Variants in EFCAB13 observed in about 807,000 individuals in gnomAD.
The protein encoded by EFCAB13 is EF-hand calcium binding domain 13.
Under a neutral mutation model 110.2 loss-of-function variants are expected in EFCAB13, and 91 were observed. That is an observed-to-expected ratio of 0.83 (90% CI 0.70 to 0.98). The LOEUF (loss-of-function observed/expected upper bound fraction) is 0.98. Ranked by LOEUF, EFCAB13 falls within the 50% of genes least tolerant of loss-of-function variation. EFCAB13 has a pLI of 0.00. For synonymous variants in EFCAB13, 323 were observed against 369.9 expected (o/e 0.87, Z 1.45); for missense variants, 968 against 1,119.4 (o/e 0.86, Z 1.93).
Position 47,344,406 on chromosome 17 carries a change from TG to T in EFCAB13, c.434+115del, listed in dbSNP as rs1472844330. The T allele has an allele frequency of 3.8e-6, 5 of 1,301,722 alleles. No individual in the cohort carries two copies. The East Asian group carries it at 1.2e-4, about 31-fold the overall frequency. The allele number at this position is 1,301,722 out of a possible 1,614,324, so 80.6% of individuals were successfully genotyped here. On this transcript the variant is annotated intron_variant, in intron 7 of 24. Transcript: ENST00000331493. ...AATATGAAGTAGTTTATGCTAATTA[TG>T]CTGTTAGGATTGTGTAGAGATAAGA...
At chr17:47,351,279 C>CTCTGTG (rs1555578724) in intron 9 of EFCAB13, among the ~76,000 whole-genome samples, 1 of 127,996 alleles carries the variant, frequency 7.8e-6, no homozygotes, top group Admixed American at 7.3e-5. Context: ...TAGTATTCCA[C>CTCTGTG]TGTGTGTGTG....
In EFCAB13 at chr17:47,431,918, A is replaced by G. The variant is rs1905122206; in HGVS notation, c.2638+1957A>G. On this transcript the variant is annotated intron_variant, in intron 24 of 24. Transcript: ENST00000331493. The surrounding 1 kb of genome is among the most constrained non-coding windows in gnomAD (Gnocchi z 4.1). ...GTCTACTTCTCCTTTTAATTCTGTCAGTGTTTGCTGTCTATAGTTTTAGCC... is the reference window on the plus strand; with the variant it reads ...GTCTACTTCTCCTTTTAATTCTGTCGGTGTTTGCTGTCTATAGTTTTAGCC... 6.6e-6 allele frequency among the ~76,000 whole-genome samples: 1 copy of G among 152,126 alleles called. No homozygotes were observed. The highest frequency in any genetic ancestry group is 6.5e-5 in the Admixed American group (1 of 15,282).
At chr17:47,424,359 C>T (rs1904854061) in intron 23 of EFCAB13, among the ~76,000 whole-genome samples, 1 of 152,210 alleles carries the variant, frequency 6.6e-6, no homozygotes, top group Non-Finnish European at 1.5e-5. Context: ...AAGAGAAAAG[C>T]ACGAAGCTGT....
intron 10 of EFCAB13, among the ~76,000 whole-genome samples, chr17:47,369,164 G>A (rs781263803): frequency 7.9e-5 from 12 of 152,152 alleles, no homozygotes; most frequent in Non-Finnish European, 1.6e-4. Flanking sequence ...TTGATAGACC[G>A]ACTGTGAACC....
At chr17:47,337,193 G>A (rs1047099056) in intron 5 of EFCAB13, among the ~76,000 whole-genome samples, 4 of 152,240 alleles carry the variant, frequency 2.6e-5, no homozygotes, top group African/African-American at 9.6e-5. Context: ...AAGGAAGGTC[G>A]TGGGAGCATC....
At chr17:47,416,568 A>T (rs536565494) in intron 23 of EFCAB13, among the ~76,000 whole-genome samples, 2 of 151,704 alleles carry the variant, frequency 1.3e-5, no homozygotes, top group Non-Finnish European at 2.9e-5. Flanking sequence ...TAGTTTTACA[A>T]CCCTTTCCCC....
chr17:47,380,490 T>C (rs2065641128), intron 14 of EFCAB13, among the ~76,000 whole-genome samples: 1 of 152,224 alleles, frequency 6.6e-6, no homozygotes, highest in African/African-American at 2.4e-5. Flanking sequence ...TTGATGGGCA[T>C]TTGGGTTGGT....
chr17:47,359,328 T>G (rs2065497478), intron 9 of EFCAB13, among the ~76,000 whole-genome samples: 1 of 152,102 alleles, frequency 6.6e-6, no homozygotes, highest in African/African-American at 2.4e-5. Context: ...AGAGATACCC[T>G]GTCTTTAAAA....
At chr17:47,435,252 T>C (rs949451052) in intron 24 of EFCAB13, among the ~76,000 whole-genome samples, 67 of 152,052 alleles carry the variant, frequency 4.4e-4, no homozygotes, top group Admixed American at 4.0e-3. Context: ...AAAGAAGATA[T>C]ACAAATGGCC....
intron 4 of EFCAB13, among the ~76,000 whole-genome samples, chr17:47,331,350 C>T: frequency 6.6e-6 from 1 of 151,950 alleles, no homozygotes; most frequent in Non-Finnish European, 1.5e-5. Context: ...TTTGCCTAAG[C>T]CAGTGTCCAG....
chr17:47,377,987 A>G (rs1226688774), intron 13 of EFCAB13, 84 bp downstream of exon 13: 6 of 1,274,630 alleles, frequency 4.7e-6, no homozygotes, highest in African/African-American at 1.6e-5. Flanking sequence ...ATTCCTCTCA[A>G]TTAGAAATTA....
chr17:47,331,279 G>C (rs550653627), intron 4 of EFCAB13, among the ~76,000 whole-genome samples: 1 of 151,888 alleles, frequency 6.6e-6, no homozygotes, highest in East Asian at 1.9e-4. Flanking sequence ...AATTTAATTA[G>C]GTCTCATTTA....
At chr17:47,325,111 C>T (rs1035359683) in intron 2 of EFCAB13, among the ~76,000 whole-genome samples, 5 of 147,192 alleles carry the variant, frequency 3.4e-5, no homozygotes, top group African/African-American at 1.3e-4. Flanking sequence ...GCTTCAAACT[C>T]CTGGGCTCAA....
intron 2 of EFCAB13, 84 bp from the exon 3 acceptor site, chr17:47,326,142 G>C (rs1052158066): frequency 6.6e-6 from 1 of 151,720 alleles, no homozygotes; most frequent in Admixed American, 6.6e-5. Flanking sequence ...TTCACCGATA[G>C]AAGACAGGAT....
intron 14 of EFCAB13, among the ~76,000 whole-genome samples, chr17:47,382,168 G>A (rs1206359023): frequency 1.3e-5 from 2 of 152,074 alleles, no homozygotes; most frequent in South Asian, 2.1e-4. Flanking sequence ...GCCCGTTTTC[G>A]ATGTATAGGA....
chr17:47,352,991 G>T (rs2065461689), intron 9 of EFCAB13, among the ~76,000 whole-genome samples: 1 of 152,066 alleles, frequency 6.6e-6, no homozygotes. Flanking sequence ...AGTCTTTAGG[G>T]TTTTCTCAGT....
rs773801136 is a variant in EFCAB13 at position 47,395,862 on chromosome 17, C to G, written c.1830C>G (p.Asp610Glu). 2 of 1,608,038 alleles carry G rather than the reference C, an allele frequency of 1.2e-6. No homozygotes were observed. The highest frequency in any genetic ancestry group is 2.2e-5 in the South Asian group (2 of 90,112). ...LVLPDAIETL[D>E]DLRKETMSVS... ...TGCCTGATGCTATTGAAACCCTCGACGATCTCAGAAAGGAGACGATGAGTG... is the reference window on the plus strand; with the variant it reads ...TGCCTGATGCTATTGAAACCCTCGAGGATCTCAGAAAGGAGACGATGAGTG... Residue 610 changes from aspartate to glutamate, a missense_variant, in exon 17 of 25, where the codon GAC (aspartate) becomes GAG (glutamate). Physicochemically the swap from Asp to Glu is conservative, Grantham distance 45. Coordinates refer to ENST00000331493, the MANE Select transcript of EFCAB13 (RefSeq NM_152347.5).
At chr17:47,421,618 G>A (rs1201095455) in intron 23 of EFCAB13, among the ~76,000 whole-genome samples, 2 of 53,268 alleles carry the variant, frequency 3.8e-5, no homozygotes, top group African/African-American at 2.4e-4. Flanking sequence ...ACCCAAGAAT[G>A]AGCAATAAAA....
intron 5 of EFCAB13, among the ~76,000 whole-genome samples, chr17:47,336,129 G>GTT (rs200427848): frequency 1.0e-4 from 15 of 143,520 alleles, no homozygotes; most frequent in Admixed American, 1.4e-4. Flanking sequence ...TATTTGAATA[G>GTT]TTTTTTTTTT....
Sources: gnomAD v4.1 joint callset for allele counts (sites outside exome capture counted in the v4.1 genomes callset) on GRCh38, gnomAD v4.1.1 for gene constraint, Gnocchi (gnomAD v3.1) non-coding constraint, MANE v1.5 for transcripts, NCBI Gene and HGNC (gene_info 2026-07-23, HGNC 2026-07-21) for gene names.